Variants in COPG1 observed in about 807,000 individuals in gnomAD.
COPG1 encodes coat protein complex I subunit gamma 1.
Under a neutral mutation model 102.8 loss-of-function variants are expected in COPG1, and 29 were observed. The ratio of observed to expected loss-of-function variants is 0.28; its 90% CI spans 0.21 to 0.38. The LOEUF (loss-of-function observed/expected upper bound fraction) is 0.38, where lower values mean the gene tolerates loss of function less well. Ranked by LOEUF, COPG1 falls within the 10% of genes least tolerant of loss-of-function variation. The pLI is 1.00. For missense variants in COPG1, 875 were observed against 1,132.7 expected, an observed-to-expected ratio of 0.77 and a Z score of 3.27; for synonymous variants, 406 against 421.6, an observed-to-expected ratio of 0.96 and a Z score of 0.45.
In COPG1 at chr3:129,277,651, T is replaced by A. The variant is rs1437572341; in HGVS notation, c.*227T>A. 3 of 449,668 alleles carry A rather than the reference T, an allele frequency of 6.7e-6. No individual in the cohort carries two copies. Among genetic ancestry groups the A allele is most frequent in the Non-Finnish European group, 1.2e-5 (3 of 246,380 alleles). The allele number at this position is 449,668 out of a possible 1,614,324, so 27.9% of individuals were successfully genotyped here. ...GGGGATGATTTTAGCTTGTCCTAAA[T>A]CTTGCTGTCCACCCTTCCAGGAAAG... On this transcript the variant is annotated 3_prime_UTR_variant, in exon 24 of 24. Coordinates refer to ENST00000314797, the MANE Select transcript of COPG1 (RefSeq NM_016128.4).
Position 129,277,622 on chromosome 3 carries a change from A to C in COPG1, c.*198A>C. The C allele has an allele frequency of 2.1e-6, 1 of 479,130 alleles. No individual in the cohort carries two copies. The highest frequency in any genetic ancestry group is 3.7e-6 in the Non-Finnish European group (1 of 267,228). The allele number at this position is 479,130 out of a possible 1,614,324, so 29.7% of individuals were successfully genotyped here. A position where few individuals can be genotyped will look rare whatever the true frequency, so the allele number is the denominator to read the frequency against. ...GTGACTTTTTTTTTTTTTTTTTTTA[A>C]ATAGGGGATGATTTTAGCTTGTCCT... On this transcript the variant is annotated 3_prime_UTR_variant, in exon 24 of 24. Coordinates refer to ENST00000314797, the MANE Select transcript of COPG1 (RefSeq NM_016128.4).
chr3:129,260,450 G>A, intron 11 of COPG1, 50 bp downstream of exon 11: 4 of 1,583,358 alleles, frequency 2.5e-6, no homozygotes, highest in Non-Finnish European at 3.5e-6. Flanking sequence ...CCAACTGGAG[G>A]TGTGTCCTAG....
intron 2 of COPG1, 80 bp downstream of exon 2, chr3:129,250,814 T>C (rs550232110): frequency 1.3e-5 from 17 of 1,323,448 alleles, no homozygotes; most frequent in South Asian, 7.1e-5. Context: ...ACATTCAAAG[T>C]GTTGTTTTAA....
In COPG1 at chr3:129,272,265, A is replaced by C; in HGVS notation, c.2008A>C (p.Asn670His). ...VFQFDCTNTLNDQTLENVTVQ... is the reference protein window; with the variant it reads ...VFQFDCTNTLHDQTLENVTVQ... The stretch of plus-strand genomic sequence containing the variant: ...TCAGTTTGACTGCACAAACACACTC[A>C]ATGACCAGACCTTGGAGAATGTCAC... The change falls in exon 20 of 24, where the codon AAT (asparagine) becomes CAT (histidine). Residue 670 changes from asparagine to histidine, a missense_variant. By Grantham distance (68) the Asn-to-His change is moderately conservative (BLOSUM62 1). Coordinates refer to ENST00000314797, the MANE Select transcript of COPG1 (RefSeq NM_016128.4). 2 of 1,614,048 alleles carry C rather than the reference A, an allele frequency of 1.2e-6. No individual in the cohort carries two copies. Among genetic ancestry groups the C allele is most frequent in the Non-Finnish European group, 1.7e-6 (2 of 1,179,934 alleles).
In COPG1 at chr3:129,254,686, T is replaced by A. The variant is rs750279239; in HGVS notation, c.342T>A (p.Thr114=). 18 of 1,613,916 alleles carry A rather than the reference T, an allele frequency of 1.1e-5. No individual in the cohort carries two copies. The highest frequency in any genetic ancestry group is 1.4e-5 in the Non-Finnish European group (17 of 1,179,962). Residue 114 remains threonine (T), a synonymous_variant, in exon 6 of 24, where the codon ACT becomes ACA. Transcript: ENST00000314797. The part of the protein sequence containing the change: ...IVTSSLTKDM[T]GKEDNYRGPA... Reference sequence around the variant, plus strand: ...CCTGCAGCCTAACAAAAGACATGACTGGGAAAGAAGACAACTACCGGGGCC... The same window carrying A: ...CCTGCAGCCTAACAAAAGACATGACAGGGAAAGAAGACAACTACCGGGGCC...
intron 21 of COPG1, among the ~76,000 whole-genome samples, chr3:129,273,591 C>T (rs1470997404): frequency 6.6e-6 from 1 of 152,148 alleles, no homozygotes; most frequent in Non-Finnish European, 1.5e-5. Flanking sequence ...CTGTTATATA[C>T]TATGTCAAAA....
intron 10 of COPG1, among the ~76,000 whole-genome samples, chr3:129,259,572 G>A (rs565137031): frequency 6.6e-6 from 1 of 151,976 alleles, no homozygotes; most frequent in South Asian, 2.1e-4. Flanking sequence ...AATGAAAGAT[G>A]TAAATAAAGT....
chr3:129,267,702 C>T (rs1003219312), intron 15 of COPG1, among the ~76,000 whole-genome samples: 1 of 152,284 alleles, frequency 6.6e-6, no homozygotes, highest in East Asian at 1.9e-4. Flanking sequence ...TGGGTTTTAG[C>T]ATATTCACAG....
chr3:129,267,420 G>T (rs180800827), intron 15 of COPG1, among the ~76,000 whole-genome samples: 27 of 152,304 alleles, frequency 1.8e-4, no homozygotes, highest in Middle Eastern at 3.4e-3. Context: ...AGGAGATTGA[G>T]ACCGTCCTGG....
At chr3:129,251,974 T>G in intron 2 of COPG1, among the ~76,000 whole-genome samples, 1 of 152,352 alleles carries the variant, frequency 6.6e-6, no homozygotes, top group East Asian at 1.9e-4. Context: ...TGTGAGCTAC[T>G]GCGTCCAGCC....
chr3:129,260,606 C>T lies in COPG1; in HGVS notation c.940-13C>T, dbSNP rs753616364. 16 of 1,613,058 alleles carry T rather than the reference C, an allele frequency of 9.9e-6. No individual in the cohort carries two copies. The highest frequency in any genetic ancestry group is 1.4e-5 in the Non-Finnish European group (16 of 1,179,308). On this transcript the variant is annotated splice_polypyrimidine_tract_variant and intron_variant, in intron 11 of 23. Transcript: ENST00000314797. The stretch of plus-strand genomic sequence containing the variant: ...GGGTTCCTGCCCTCTCTGTCACTGT[C>T]CTCCCAAAACAGGTTGCCATGAAGC...
intron 12 of COPG1, among the ~76,000 whole-genome samples, chr3:129,262,024 A>G (rs1051639961): frequency 6.6e-6 from 1 of 152,180 alleles, no homozygotes; most frequent in African/African-American, 2.4e-5. Flanking sequence ...GGTAAATTCT[A>G]TAGTGTGGAT....
Position 129,272,423 on chromosome 3 carries a change from CCT to C in COPG1, c.2158+12_2158+13del, listed in dbSNP as rs770880244. The C allele has an allele frequency of 6.2e-7, 1 of 1,610,040 alleles. No homozygotes were observed. Among genetic ancestry groups the C allele is most frequent in the East Asian group, 2.2e-5 (1 of 44,718 alleles). The stretch of plus-strand genomic sequence containing the variant: ...AAGAAGACCCCACAGCTGGTGAGCC[CCT>C]CTCCAGATACCACCCTATCCTCCTG... On this transcript the variant is annotated intron_variant, in intron 20 of 23. Coordinates refer to ENST00000314797, the MANE Select transcript of COPG1 (RefSeq NM_016128.4).
chr3:129,253,005 C>T (rs1224584069), intron 5 of COPG1, 50 bp downstream of exon 5: 1 of 1,509,514 alleles, frequency 6.6e-7, no homozygotes, highest in Non-Finnish European at 9.2e-7. Flanking sequence ...CATTGACAGA[C>T]CATTTTTTTC....
chr3:129,274,004 CCTGA>C lies in COPG1; in HGVS notation c.2257-831_2257-828del, dbSNP rs1175024190. 9 of 455,606 alleles carry C rather than the reference CCTGA, an allele frequency of 2.0e-5. No homozygotes were observed. In the East Asian group the frequency reaches 4.2e-4, roughly 21 times the overall value. The allele number at this position is 455,606 out of a possible 1,614,324, so 28.2% of individuals were successfully genotyped here. A position where few individuals can be genotyped will look rare whatever the true frequency, so the allele number is the denominator to read the frequency against. ...GTGGATGGGGACTGTTAGAACTCCT[CCTGA>C]CTAGAGGGACAGTCACAGTGGAATA... is the stretch of plus-strand genomic sequence containing the variant. On this transcript the variant is annotated intron_variant, in intron 21 of 23. Transcript: ENST00000314797.
intron 7 of COPG1, 111 bp downstream of exon 7, chr3:129,255,188 T>TG: frequency 1.4e-6 from 1 of 731,830 alleles, no homozygotes; most frequent in Non-Finnish European, 2.2e-6. Flanking sequence ...TCTTTTTTTT[T>TG]TTTTGATTGA....
chr3:129,276,011 T>C (rs1474221158), intron 23 of COPG1, among the ~76,000 whole-genome samples: 1 of 152,180 alleles, frequency 6.6e-6, no homozygotes, highest in Non-Finnish European at 1.5e-5. Context: ...TTACTTTGCA[T>C]GTGTACACTG....
At chr3:129,254,570 G>A (rs573184194) in intron 5 of COPG1, 98 bp from the exon 6 acceptor site, 1 of 789,464 alleles carries the variant, frequency 1.3e-6, no homozygotes, top group African/African-American at 1.7e-5. Context: ...CTGGTTAGGA[G>A]GCTCGTGTAG....
At chr3:129,256,197 G>A in intron 8 of COPG1, 43 bp downstream of exon 8, 1 of 1,563,634 alleles carries the variant, frequency 6.4e-7, no homozygotes, top group Non-Finnish European at 8.8e-7. Context: ...CACTCAGGCA[G>A]GTGGTAAGGC....
Sources: gnomAD v4.1 joint callset for allele counts (sites outside exome capture counted in the v4.1 genomes callset) on GRCh38, gnomAD v4.1.1 for gene constraint, MANE v1.5 for transcripts, NCBI Gene and HGNC (gene_info 2026-07-23, HGNC 2026-07-21) for gene names.